Variants in PIP4K2A observed in about 807,000 individuals in gnomAD.
PIP4K2A encodes phosphatidylinositol-5-phosphate 4-kinase type 2 alpha.
In PIP4K2A, 14 loss-of-function variants were observed where a neutral mutation model predicts 42.9. That is an observed-to-expected ratio of 0.33 (90% CI 0.22 to 0.51). PIP4K2A has a LOEUF of 0.51. Ranked by LOEUF, PIP4K2A falls within the 20% of genes least tolerant of loss-of-function variation. PIP4K2A has a pLI of 0.97. For missense variants in PIP4K2A, 434 were observed against 519.8 expected, an observed-to-expected ratio of 0.83 and a Z score of 1.61; for synonymous variants, 192 against 192.2, an observed-to-expected ratio of 1.00 and a Z score of 0.01.
chr10:22,649,663 C>T (rs918974723), intron 1 of PIP4K2A, among the ~76,000 whole-genome samples: 4 of 152,186 alleles, frequency 2.6e-5, no homozygotes, highest in Non-Finnish European at 5.9e-5. Context: ...ACTTAGCTCA[C>T]CTCCAAGGGA....
intron 4 of PIP4K2A, among the ~76,000 whole-genome samples, chr10:22,581,565 TAAAAA>T (rs531477426): frequency 5.1e-5 from 4 of 78,672 alleles, no homozygotes; most frequent in Non-Finnish European, 6.7e-5. Flanking sequence ...ATCCTATCTC[TAAAAA>T]AAAAAAAAAA....
Position 22,580,482 on chromosome 10 carries a change from T to C in PIP4K2A, c.493-7025A>G, listed in dbSNP as rs558365125. On this transcript the variant is annotated intron_variant, in intron 4 of 9. Transcript: ENST00000376573. ...CTGGCCAACATGGCGAAACTCCATC[T>C]CAACAAAAAGAAAATAAAAGAAAGA... Among the ~76,000 whole-genome samples, 3 of 152,022 alleles carry C rather than the reference T, an allele frequency of 2.0e-5. No homozygotes were observed. The East Asian group carries it at 5.8e-4, about 29-fold the overall frequency.
At chr10:22,615,745 C>T (rs1564444054) in intron 1 of PIP4K2A, among the ~76,000 whole-genome samples, 1 of 152,216 alleles carries the variant, frequency 6.6e-6, no homozygotes, top group South Asian at 2.1e-4. Context: ...AGCAAAAGAG[C>T]AATATCACTT....
In PIP4K2A at chr10:22,609,607, T is replaced by C. The variant is rs778355437; in HGVS notation, c.242+13A>G. The C allele has an allele frequency of 2.1e-6, 3 of 1,423,476 alleles. No homozygotes were observed. Among genetic ancestry groups the C allele is most frequent in the South Asian group, 1.2e-5 (1 of 86,920 alleles). The allele number at this position is 1,423,476 out of a possible 1,614,324, so 88.2% of individuals were successfully genotyped here. On this transcript the variant is annotated intron_variant, in intron 2 of 9. Transcript: ENST00000376573. ...GCCACGCTAGTCTTATGAAAGGTCATACTTGTACTTACTTGTTAAAAAGGT... is the reference window on the plus strand; with the variant it reads ...GCCACGCTAGTCTTATGAAAGGTCACACTTGTACTTACTTGTTAAAAAGGT...
At chr10:22,668,211 A>G (rs190236138) in intron 1 of PIP4K2A, among the ~76,000 whole-genome samples, 229 of 152,266 alleles carry the variant, frequency 1.5e-3, no homozygotes, top group African/African-American at 5.3e-3. Context: ...TGGCCTCCCA[A>G]AGTGCTAGGA....
chr10:22,679,716 C>T (rs940590143), intron 1 of PIP4K2A, among the ~76,000 whole-genome samples: 2 of 152,084 alleles, frequency 1.3e-5, no homozygotes, highest in Admixed American at 1.3e-4. Flanking sequence ...ATAGAATATG[C>T]CTTGACCCCC....
chr10:22,675,186 T>C (rs1839534577), intron 1 of PIP4K2A, among the ~76,000 whole-genome samples: 1 of 152,178 alleles, frequency 6.6e-6, no homozygotes, highest in South Asian at 2.1e-4. Context: ...TTGGGAACAT[T>C]TGTATTCATG....
intron 1 of PIP4K2A, among the ~76,000 whole-genome samples, chr10:22,610,681 G>A (rs948934941): frequency 3.3e-5 from 5 of 152,130 alleles, no homozygotes; most frequent in Non-Finnish European, 5.9e-5. Context: ...AGGGAGTGTG[G>A]GGACCATTAA....
At chr10:22,612,160 G>A (rs1015104284) in intron 1 of PIP4K2A, among the ~76,000 whole-genome samples, 3 of 152,134 alleles carry the variant, frequency 2.0e-5, no homozygotes, top group East Asian at 1.9e-4. Context: ...CCATCCTCGC[G>A]TCAGCACAAC....
At chr10:22,678,201 T>A (rs1249009122) in intron 1 of PIP4K2A, among the ~76,000 whole-genome samples, 2 of 151,938 alleles carry the variant, frequency 1.3e-5, no homozygotes, top group East Asian at 3.9e-4. Context: ...CCAACCCCCC[T>A]TTCAACAACA....
intron 4 of PIP4K2A, among the ~76,000 whole-genome samples, chr10:22,576,833 T>TG (rs1170849353): frequency 6.6e-6 from 1 of 152,112 alleles, no homozygotes; most frequent in African/African-American, 2.4e-5. Context: ...CCCAGCACCC[T>TG]GGGAGGCCAA....
intron 1 of PIP4K2A, among the ~76,000 whole-genome samples, chr10:22,634,653 G>A (rs1395246769): frequency 6.6e-6 from 1 of 152,136 alleles, no homozygotes; most frequent in East Asian, 1.9e-4. Context: ...CCTGTCCAAG[G>A]TCCAATTCTT....
intron 1 of PIP4K2A, among the ~76,000 whole-genome samples, chr10:22,692,215 A>C (rs1486207967): frequency 6.6e-6 from 1 of 151,854 alleles, no homozygotes; most frequent in Non-Finnish European, 1.5e-5. Flanking sequence ...AGGAGTGAGT[A>C]ACCTAGATTG....
intron 1 of PIP4K2A, among the ~76,000 whole-genome samples, chr10:22,650,601 G>A (rs117120377): frequency 0.015 from 2,226 of 152,214 alleles, 41 homozygotes; most frequent in Non-Finnish European, 0.019. Flanking sequence ...TGGACTTCTC[G>A]CTTCAATATA....
chr10:22,560,523 G>A (rs776453590), intron 6 of PIP4K2A, among the ~76,000 whole-genome samples: 22 of 152,234 alleles, frequency 1.4e-4, no homozygotes, highest in African/African-American at 3.6e-4. Flanking sequence ...TAGGTAAAAC[G>A]TCGGAGACGG....
intron 1 of PIP4K2A, among the ~76,000 whole-genome samples, chr10:22,670,566 T>C (rs1224358245): frequency 1.3e-5 from 2 of 152,174 alleles, no homozygotes; most frequent in Non-Finnish European, 2.9e-5. Flanking sequence ...CAGGGGCTAA[T>C]AGTGCAATTA....
chr10:22,550,841 C>T (rs577797161), intron 6 of PIP4K2A, 69 bp from the exon 7 acceptor site: 5 of 897,740 alleles, frequency 5.6e-6, no homozygotes, highest in African/African-American at 3.3e-5. Flanking sequence ...ATACACCTTC[C>T]AACCCTGGAC....
intron 3 of PIP4K2A, among the ~76,000 whole-genome samples, chr10:22,593,605 G>A (rs955511465): frequency 6.6e-6 from 1 of 152,204 alleles, no homozygotes; most frequent in Non-Finnish European, 1.5e-5. Flanking sequence ...CCCTTGTGGG[G>A]TTTTAAATGC....
intron 4 of PIP4K2A, among the ~76,000 whole-genome samples, chr10:22,582,146 C>G (rs1837295587): frequency 6.6e-6 from 1 of 151,286 alleles, no homozygotes; most frequent in African/African-American, 2.4e-5. Flanking sequence ...ATGTCGTCAA[C>G]AAAGGTAAAG....
Sources: allele counts gnomAD v4.1 joint callset (sites outside exome capture counted in the v4.1 genomes callset), GRCh38; gene constraint gnomAD v4.1.1; transcripts MANE v1.5; gene names NCBI Gene and HGNC (gene_info 2026-07-23, HGNC 2026-07-21).